Variants in MED27 observed in about 807,000 individuals in gnomAD.
MED27 encodes mediator complex subunit 27, also known as mediator of RNA polymerase II transcription subunit 27.
Under a neutral mutation model 38.2 loss-of-function variants are expected in MED27, and 30 were observed. That is an observed-to-expected ratio of 0.79 (90% CI 0.59 to 1.07). The LOEUF (loss-of-function observed/expected upper bound fraction) is 1.07, where lower values mean the gene tolerates loss of function less well. MED27 is among the 50% of genes least tolerant of loss of function. The probability of loss-of-function intolerance (pLI) is 0.00; values close to 1 mark genes in which losing one functional copy is unlikely to be tolerated. For missense variants in MED27, 289 were observed against 397.5 expected (o/e 0.73, Z 2.32); for synonymous variants, 122 against 153.5 (o/e 0.79, Z 1.52).
intron 3 of MED27, among the ~76,000 whole-genome samples, chr9:131,959,403 C>T (rs910813287): frequency 6.6e-6 from 1 of 152,132 alleles, no homozygotes; most frequent in African/African-American, 2.4e-5. Context: ...GGTCTTTTGC[C>T]ACAGTTTTCT....
chr9:131,951,780 T>C (rs1015946218), intron 3 of MED27, among the ~76,000 whole-genome samples: 4 of 152,246 alleles, frequency 2.6e-5, no homozygotes, highest in African/African-American at 9.6e-5. Flanking sequence ...AACTTCTGTT[T>C]GTGTCTACAG....
At chr9:131,923,407 C>T (rs924012249) in intron 4 of MED27, among the ~76,000 whole-genome samples, 7 of 152,140 alleles carry the variant, frequency 4.6e-5, no homozygotes, top group African/African-American at 1.7e-4. Context: ...ACCAGCCAAC[C>T]AACTGAAGTT....
At chr9:131,972,405 T>C (rs1442588645) in intron 3 of MED27, among the ~76,000 whole-genome samples, 1 of 152,146 alleles carries the variant, frequency 6.6e-6, no homozygotes, top group African/African-American at 2.4e-5. Flanking sequence ...ACACATGCAG[T>C]TGATGGACAA....
chr9:131,881,784 C>T (rs892570108), intron 6 of MED27, among the ~76,000 whole-genome samples: 4 of 138,594 alleles, frequency 2.9e-5, no homozygotes, highest in Non-Finnish European at 6.2e-5. Flanking sequence ...CCCTCCCTCC[C>T]TTCCTTCTTC....
At chr9:131,956,686 G>GT (rs2130992174) in intron 3 of MED27, among the ~76,000 whole-genome samples, 1 of 151,520 alleles carries the variant, frequency 6.6e-6, no homozygotes, top group African/African-American at 2.4e-5. Flanking sequence ...TAAATTATCT[G>GT]TTATGTGTAC....
chr9:131,890,315 CT>C (rs1839207974), intron 5 of MED27, among the ~76,000 whole-genome samples: 1 of 152,150 alleles, frequency 6.6e-6, no homozygotes, highest in Non-Finnish European at 1.5e-5. Context: ...TTTAGGGTCC[CT>C]GCTTAAGCAC....
At chr9:131,989,262 A>G (rs889775942) in intron 3 of MED27, among the ~76,000 whole-genome samples, 3 of 152,238 alleles carry the variant, frequency 2.0e-5, no homozygotes, top group African/African-American at 7.2e-5. Flanking sequence ...CTTTGAAAGG[A>G]TCCCACTATT....
At chr9:131,988,036 A>G (rs1333148389) in intron 3 of MED27, among the ~76,000 whole-genome samples, 2 of 152,260 alleles carry the variant, frequency 1.3e-5, no homozygotes, top group African/African-American at 2.4e-5. Flanking sequence ...TTAGGTTTAC[A>G]GTTTTTAAAA....
intron 2 of MED27, chr9:132,032,273 T>C (rs1365599888): frequency 2.0e-5 from 3 of 152,228 alleles, no homozygotes; most frequent in African/African-American, 7.2e-5. Context: ...AATAAAATCA[T>C]GTTTTTAGGC....
At chr9:131,998,038 G>GCAGA (rs1399449596) in intron 3 of MED27, among the ~76,000 whole-genome samples, 1 of 152,100 alleles carries the variant, frequency 6.6e-6, no homozygotes, top group Non-Finnish European at 1.5e-5. Flanking sequence ...TGCTAACAGG[G>GCAGA]CAGAGTTCCA....
intron 3 of MED27, among the ~76,000 whole-genome samples, chr9:131,941,311 G>A (rs1830781559): frequency 6.6e-6 from 1 of 152,198 alleles, no homozygotes; most frequent in Non-Finnish European, 1.5e-5. Flanking sequence ...GGGTAAGAGG[G>A]AGATTAGTTC....
intron 3 of MED27, among the ~76,000 whole-genome samples, chr9:131,953,277 C>CCTG (rs1831034416): frequency 6.6e-6 from 1 of 152,212 alleles, no homozygotes; most frequent in Non-Finnish European, 1.5e-5. Flanking sequence ...CCTAAAGTGC[C>CCTG]CTGGCACCTC....
chr9:131,904,366 A>C (rs1830011853), intron 4 of MED27, among the ~76,000 whole-genome samples: 1 of 150,238 alleles, frequency 6.7e-6, no homozygotes, highest in African/African-American at 2.5e-5. Flanking sequence ...AAAATTATTA[A>C]ACACCCTGCC....
chr9:131,908,846 CTGCGAGAAACACCCAAGAA>C (rs1830132525), intron 4 of MED27, among the ~76,000 whole-genome samples: 1 of 150,376 alleles, frequency 6.6e-6, no homozygotes, highest in Non-Finnish European at 1.5e-5. Context: ...AAATCCCCCT[CTGCGAGAAACACCCAAGAA>C]TGATCAATTA....
chr9:132,011,007 T>C (rs1032912449), intron 3 of MED27, among the ~76,000 whole-genome samples: 1 of 152,194 alleles, frequency 6.6e-6, no homozygotes, highest in East Asian at 1.9e-4. Flanking sequence ...GTTGTGCACA[T>C]GTACCCTAGA....
chr9:131,931,062 T>C (rs1375562671), intron 4 of MED27, among the ~76,000 whole-genome samples: 2 of 151,970 alleles, frequency 1.3e-5, no homozygotes, highest in Non-Finnish European at 2.9e-5. Context: ...CTGGGTAACA[T>C]GGTGAAACCT....
intron 4 of MED27, among the ~76,000 whole-genome samples, chr9:131,937,250 T>C (rs763673307): frequency 3.3e-5 from 5 of 152,192 alleles, no homozygotes; most frequent in Non-Finnish European, 4.4e-5. Context: ...AAAAGTATGA[T>C]TAACCCCATG....
intron 4 of MED27, among the ~76,000 whole-genome samples, chr9:131,933,543 A>G (rs1830629922): frequency 1.3e-5 from 2 of 152,126 alleles, no homozygotes; most frequent in South Asian, 2.1e-4. Flanking sequence ...CAACCAAAGA[A>G]ACAGAATTGA....
intron 3 of MED27, among the ~76,000 whole-genome samples, chr9:132,000,215 C>T (rs1832192706): frequency 6.6e-6 from 1 of 151,988 alleles, no homozygotes; most frequent in Non-Finnish European, 1.5e-5. Flanking sequence ...CTGCACTTCA[C>T]CAAAGATATA....
Sources: gnomAD v4.1 joint callset for allele counts (sites outside exome capture counted in the v4.1 genomes callset) on GRCh38, gnomAD v4.1.1 for gene constraint, MANE v1.5 for transcripts, NCBI Gene and HGNC (gene_info 2026-07-23, HGNC 2026-07-21) for gene names.